Variants in LRMDA observed in about 807,000 individuals in gnomAD.
LRMDA encodes leucine-rich melanocyte differentiation-associated protein.
Under a neutral mutation model 29.8 loss-of-function variants are expected in LRMDA, and 18 were observed. The observed-to-expected ratio is 0.60, with a 90% CI of 0.42 to 0.90. The LOEUF (loss-of-function observed/expected upper bound fraction) is 0.90. Ranked by LOEUF, LRMDA falls within the 40% of genes least tolerant of loss-of-function variation. The pLI, the probability that LRMDA is intolerant of heterozygous loss-of-function variation, is 0.00. For missense variants in LRMDA, 273 were observed against 273.9 expected (o/e 1.00, Z 0.02); for synonymous variants, 125 against 109.4 (o/e 1.14, Z -0.89).
At chr10:76,214,042 A>G (rs1851682024) in intron 5 of LRMDA, among the ~76,000 whole-genome samples, 1 of 152,164 alleles carries the variant, frequency 6.6e-6, no homozygotes, top group South Asian at 2.1e-4. Flanking sequence ...ATCATGGCCC[A>G]TGGAGGTGAG....
At chr10:76,390,228 G>A (rs149373229) in intron 6 of LRMDA, among the ~76,000 whole-genome samples, 23 of 152,140 alleles carry the variant, frequency 1.5e-4, no homozygotes, top group South Asian at 4.1e-4. Context: ...ATCTCATTGT[G>A]GTTTTGATTT....
At chr10:76,325,590 A>G (rs567355023) in intron 6 of LRMDA, among the ~76,000 whole-genome samples, 4 of 152,302 alleles carry the variant, frequency 2.6e-5, no homozygotes, top group African/African-American at 7.2e-5. Flanking sequence ...CCCTAAAATA[A>G]CACCACATCT....
chr10:76,397,441 A>C (rs1311863444), intron 6 of LRMDA, among the ~76,000 whole-genome samples: 1 of 152,224 alleles, frequency 6.6e-6, no homozygotes, highest in African/African-American at 2.4e-5. Context: ...CTGTTTAATT[A>C]ATTTCCTAAC....
chr10:75,478,374 G>C (rs1356153775), intron 2 of LRMDA, among the ~76,000 whole-genome samples: 1 of 152,138 alleles, frequency 6.6e-6, no homozygotes, highest in Non-Finnish European at 1.5e-5. Flanking sequence ...GACCCAAGTA[G>C]GCCATATTTT....
intron 2 of LRMDA, among the ~76,000 whole-genome samples, chr10:75,508,826 G>A (rs994686276): frequency 6.6e-6 from 1 of 152,056 alleles, no homozygotes; most frequent in Non-Finnish European, 1.5e-5. Context: ...TCTAATTTGG[G>A]AAACATTAAG....
At chr10:76,503,511 T>C (rs935128509) in intron 6 of LRMDA, among the ~76,000 whole-genome samples, 1 of 151,836 alleles carries the variant, frequency 6.6e-6, no homozygotes, top group Non-Finnish European at 1.5e-5. Context: ...TTGAATGTGT[T>C]ATTGTTCCGT....
intron 5 of LRMDA, among the ~76,000 whole-genome samples, chr10:76,163,189 T>G (rs1207487779): frequency 1.3e-5 from 2 of 152,168 alleles, no homozygotes; most frequent in African/African-American, 2.4e-5. Flanking sequence ...TGTGACCCAC[T>G]TGGGGTTTGG....
intron 2 of LRMDA, among the ~76,000 whole-genome samples, chr10:75,898,838 A>G (rs1564600787): frequency 1.3e-5 from 2 of 152,212 alleles, no homozygotes; most frequent in African/African-American, 4.8e-5. Context: ...TTAATCTTAA[A>G]TAGGAGTCTG....
chr10:75,729,391 A>G (rs1436616763), intron 2 of LRMDA, among the ~76,000 whole-genome samples: 1 of 152,214 alleles, frequency 6.6e-6, no homozygotes, highest in East Asian at 1.9e-4. Flanking sequence ...TTCATCCTTC[A>G]TCGTCCTCTC....
At chr10:75,915,520 A>G (rs1259899902) in intron 2 of LRMDA, among the ~76,000 whole-genome samples, 1 of 152,186 alleles carries the variant, frequency 6.6e-6, no homozygotes, top group Non-Finnish European at 1.5e-5. Context: ...GATGATAGGT[A>G]TGAGCCAGCA....
rs555236655 is a variant in LRMDA at position 76,486,868 on chromosome 10, G to A, written c.602-70341G>A. On this transcript the variant is annotated intron_variant, in intron 6 of 6. Coordinates refer to ENST00000611255, the MANE Select transcript of LRMDA (RefSeq NM_001305581.2). ...CTGGATGACACTGGCCTTGGGAGAG[G>A]TCTAGAAGGGAAAAGAAGAGAAGGG... Among the ~76,000 whole-genome samples the A allele has an allele frequency of 7.4e-4, 113 of 151,944 alleles. 1 individual carries two copies. The highest frequency in any genetic ancestry group is 1.3e-3 in the Non-Finnish European group (88 of 67,884).
chr10:76,250,899 A>C (rs1040308749), intron 5 of LRMDA, among the ~76,000 whole-genome samples: 2 of 152,180 alleles, frequency 1.3e-5, no homozygotes, highest in Non-Finnish European at 2.9e-5. Flanking sequence ...TGGGGATGGC[A>C]AGGGCAGGCA....
At chr10:76,507,061 A>G (rs529030768) in intron 6 of LRMDA, among the ~76,000 whole-genome samples, 1 of 152,152 alleles carries the variant, frequency 6.6e-6, no homozygotes, top group Non-Finnish European at 1.5e-5. Context: ...TCCCACCGTA[A>G]GTATATGAAT....
chr10:76,239,250 A>G (rs907835262), intron 5 of LRMDA, among the ~76,000 whole-genome samples: 5 of 152,056 alleles, frequency 3.3e-5, no homozygotes, highest in Admixed American at 1.3e-4. Flanking sequence ...TTCTCCCCCA[A>G]TCCTAACCTC....
chr10:75,558,620 T>C (rs1840247939), intron 2 of LRMDA, among the ~76,000 whole-genome samples: 2 of 150,056 alleles, frequency 1.3e-5, no homozygotes. Context: ...CGTGCTGGTG[T>C]GCTGCACCCA....
At chr10:76,513,763 C>T (rs150929934) in intron 6 of LRMDA, among the ~76,000 whole-genome samples, 4 of 152,280 alleles carry the variant, frequency 2.6e-5, no homozygotes, top group East Asian at 1.9e-4. Flanking sequence ...GCCATGGATA[C>T]TCTTTCCCTT....
chr10:76,077,106 A>G (rs904256013), intron 5 of LRMDA, among the ~76,000 whole-genome samples: 3 of 152,108 alleles, frequency 2.0e-5, no homozygotes, highest in Non-Finnish European at 4.4e-5. Context: ...AAGATGCCCC[A>G]GGGCCAGGAG....
intron 2 of LRMDA, among the ~76,000 whole-genome samples, chr10:75,714,536 C>T (rs983220852): frequency 2.0e-5 from 3 of 152,208 alleles, no homozygotes; most frequent in African/African-American, 7.2e-5. Context: ...CCAGAAATAA[C>T]AGCTCAATGG....
chr10:76,479,558 G>A (rs1254754239), intron 6 of LRMDA, among the ~76,000 whole-genome samples: 1 of 151,886 alleles, frequency 6.6e-6, no homozygotes, highest in Non-Finnish European at 1.5e-5. Context: ...AGAGCACAGG[G>A]CAGCCCTGTG....
Sources: gnomAD v4.1 joint callset for allele counts (sites outside exome capture counted in the v4.1 genomes callset) on GRCh38, gnomAD v4.1.1 for gene constraint, MANE v1.5 for transcripts, NCBI Gene and HGNC (gene_info 2026-07-23, HGNC 2026-07-21) for gene names.